Variants in CDYL observed in about 807,000 individuals in gnomAD.
CDYL encodes chromodomain Y-like protein.
CDYL carries 8 observed loss-of-function variants against 47.3 expected under a neutral mutation model. The observed-to-expected ratio is 0.17, with a 90% confidence interval of 0.10 to 0.31. CDYL has a LOEUF of 0.31. Ranked by LOEUF, CDYL falls within the 10% of genes least tolerant of loss-of-function variation. The pLI is 1.00. For missense variants in CDYL, 471 were observed against 701.4 expected (o/e 0.67, Z 3.71); for synonymous variants, 266 against 265.0 (o/e 1.00, Z -0.04).
chr6:4,878,635 C>T (rs1213323384), intron 1 of CDYL, among the ~76,000 whole-genome samples: 3 of 151,826 alleles, frequency 2.0e-5, no homozygotes, highest in African/African-American at 7.3e-5. Flanking sequence ...GTGTTATTCT[C>T]TTATATTTCG....
chr6:4,931,918 G>A (rs7755871), intron 2 of CDYL, among the ~76,000 whole-genome samples: 27,718 of 152,184 alleles, frequency 0.18, 2,747 homozygotes, highest in Non-Finnish European at 0.21. Flanking sequence ...AGGGACTATC[G>A]CCTCAAAGAA....
chr6:4,910,609 G>C (rs1757382331), intron 2 of CDYL, among the ~76,000 whole-genome samples: 1 of 152,204 alleles, frequency 6.6e-6, no homozygotes, highest in Non-Finnish European at 1.5e-5. Context: ...GCTCTCAGCT[G>C]AGCAACTTAA....
chr6:4,945,068 G>T (rs1025907350), intron 5 of CDYL, among the ~76,000 whole-genome samples: 1 of 152,146 alleles, frequency 6.6e-6, no homozygotes, highest in African/African-American at 2.4e-5. Context: ...AACCGTCTCA[G>T]ACTGGAGGAG....
intron 1 of CDYL, among the ~76,000 whole-genome samples, chr6:4,822,782 A>G (rs1759877566): frequency 6.6e-6 from 1 of 152,136 alleles, no homozygotes; most frequent in Admixed American, 6.5e-5. Context: ...TCAGATTAAT[A>G]TTTGTCTCAG....
chr6:4,791,679 G>A (rs962263721), intron 1 of CDYL, among the ~76,000 whole-genome samples: 33 of 151,494 alleles, frequency 2.2e-4, no homozygotes, highest in African/African-American at 7.5e-4. Context: ...GGCCCTGTGC[G>A]TGTTTACTGA....
At chr6:4,841,174 T>C in intron 1 of CDYL, among the ~76,000 whole-genome samples, 1 of 152,200 alleles carries the variant, frequency 6.6e-6, no homozygotes, top group East Asian at 1.9e-4. Context: ...GTCCATTTCC[T>C]CTAGGTTTTT....
intron 2 of CDYL, chr6:4,734,701 T>C (rs1275734380): frequency 1.3e-5 from 21 of 1,596,044 alleles, no homozygotes; most frequent in Middle Eastern, 1.7e-4. Context: ...GGAGGGAAGA[T>C]GGGGATGGGG....
intron 2 of CDYL, among the ~76,000 whole-genome samples, chr6:4,734,345 C>T (rs1757662988): frequency 6.6e-6 from 1 of 152,174 alleles, no homozygotes; most frequent in East Asian, 1.9e-4. Context: ...AGTCCCACTC[C>T]TAGGCTCCTG....
chr6:4,945,784 A>G (rs964147595), intron 5 of CDYL, among the ~76,000 whole-genome samples: 5 of 152,228 alleles, frequency 3.3e-5, no homozygotes, highest in African/African-American at 4.8e-5. Flanking sequence ...GGCAGGTGCT[A>G]TATGTGACTT....
chr6:4,724,259 C>G (rs1757441386), intron 2 of CDYL, among the ~76,000 whole-genome samples: 1 of 151,900 alleles, frequency 6.6e-6, no homozygotes, highest in South Asian at 2.1e-4. Context: ...ATATGTTGGC[C>G]CGGCTGGTCT....
At chr6:4,768,458 G>A (rs933854652) in intron 3 of CDYL, among the ~76,000 whole-genome samples, 11 of 152,098 alleles carry the variant, frequency 7.2e-5, no homozygotes, top group Non-Finnish European at 1.2e-4. Flanking sequence ...TGTCAAAGAT[G>A]CACAGAAGTC....
chr6:4,777,358 C>G (rs1758497972), intron 1 of CDYL, among the ~76,000 whole-genome samples: 1 of 152,156 alleles, frequency 6.6e-6, no homozygotes, highest in Non-Finnish European at 1.5e-5. Flanking sequence ...TGGCCAGAGC[C>G]AGGAAATTTA....
intron 3 of CDYL, chr6:4,734,930 C>G (rs927071763): frequency 3.2e-6 from 5 of 1,564,682 alleles, no homozygotes; most frequent in Non-Finnish European, 4.3e-6. Flanking sequence ...ACCACACTCT[C>G]CCTTTACATC....
chr6:4,939,850 T>A (rs531257952), intron 4 of CDYL, among the ~76,000 whole-genome samples: 1 of 152,368 alleles, frequency 6.6e-6, no homozygotes, highest in South Asian at 2.1e-4. Context: ...TCACGCTGAA[T>A]GTACACATAA....
At chr6:4,800,852 C>T (rs1040154778) in intron 1 of CDYL, among the ~76,000 whole-genome samples, 2 of 152,136 alleles carry the variant, frequency 1.3e-5, no homozygotes, top group African/African-American at 2.4e-5. Context: ...TCTCTGGCTG[C>T]TTTCAAGATT....
intron 3 of CDYL, among the ~76,000 whole-genome samples, chr6:4,747,166 G>A (rs1197416509): frequency 2.6e-5 from 4 of 152,048 alleles, no homozygotes; most frequent in African/African-American, 4.8e-5. Context: ...AATTAGCCAA[G>A]AGTGGTGGCG....
intron 1 of CDYL, among the ~76,000 whole-genome samples, chr6:4,840,760 G>T (rs1192080524): frequency 1.3e-5 from 2 of 152,044 alleles, no homozygotes; most frequent in African/African-American, 4.8e-5. Flanking sequence ...ATCATGGTGG[G>T]TTATCTTTTT....
intron 1 of CDYL, among the ~76,000 whole-genome samples, chr6:4,864,849 A>C (rs1285866697): frequency 6.6e-6 from 1 of 152,106 alleles, no homozygotes; most frequent in Non-Finnish European, 1.5e-5. Context: ...GCAACGTGAA[A>C]ATGAACTAAT....
intron 1 of CDYL, among the ~76,000 whole-genome samples, chr6:4,837,940 AT>A (rs61308950): frequency 0.084 from 11,961 of 141,708 alleles, 524 homozygotes; most frequent in South Asian, 0.15. Flanking sequence ...AACCCAGCTA[AT>A]TTTTTTTTTT....
Sources: gnomAD v4.1 joint callset for allele counts (sites outside exome capture counted in the v4.1 genomes callset) on GRCh38, gnomAD v4.1.1 for gene constraint, MANE v1.5 for transcripts, NCBI Gene and HGNC (gene_info 2026-07-23, HGNC 2026-07-21) for gene names.